Variants in EPHA7 observed in about 807,000 individuals in gnomAD.
EPHA7 encodes EPH receptor A7.
A neutral mutation model predicts 112.6 loss-of-function variants in EPHA7; 25 were observed. The observed-to-expected ratio is 0.22, with a 90% CI of 0.16 to 0.31. The LOEUF is 0.31. Among genes scored for constraint, EPHA7 ranks in the 10% least tolerant of loss-of-function variants. The pLI, the probability that EPHA7 is intolerant of heterozygous loss-of-function variation, is 1.00. For synonymous variants in EPHA7, 437 were observed against 406.5 expected, an observed-to-expected ratio of 1.07 and a Z score of -0.90; for missense variants, 962 against 1,212.6, an observed-to-expected ratio of 0.79 and a Z score of 3.07.
At chr6:93,247,380 C>T (rs1770000540) in intron 14 of EPHA7, among the ~76,000 whole-genome samples, 1 of 151,956 alleles carries the variant, frequency 6.6e-6, no homozygotes, top group South Asian at 2.1e-4. Context: ...TTTGAGTTAC[C>T]CAGAATGAGC....
Position 93,308,578 on chromosome 6 carries a change from T to G in EPHA7, c.1325-36156A>C, listed in dbSNP as rs181511936. ...AAACAACATCTTACTTACGTGTTTA[T>G]TTTCAAAGAAAAGATATATTTGAAA... is the stretch of plus-strand genomic sequence containing the variant. On this transcript the variant is annotated intron_variant, in intron 5 of 16. Transcript: ENST00000369303. Among the ~76,000 whole-genome samples the G allele has an allele frequency of 5.3e-5, 8 of 152,252 alleles. No homozygotes were observed. In the East Asian group the frequency reaches 1.5e-3, roughly 29 times the overall value.
intron 3 of EPHA7, among the ~76,000 whole-genome samples, chr6:93,380,745 G>A (rs145953771): frequency 6.0e-4 from 92 of 152,166 alleles, no homozygotes; most frequent in African/African-American, 2.1e-3. Context: ...GGGAATTTGA[G>A]GACAAATGTT....
chr6:93,354,857 A>G (rs886122696), intron 5 of EPHA7, among the ~76,000 whole-genome samples: 1 of 152,102 alleles, frequency 6.6e-6, no homozygotes, highest in Non-Finnish European at 1.5e-5. Flanking sequence ...GACAAACACT[A>G]TTTCTGGTAT....
In EPHA7 at chr6:93,289,433, C is replaced by T. The variant is rs371377161; in HGVS notation, c.1325-17011G>A. On this transcript the variant is annotated intron_variant, in intron 5 of 16. Transcript: ENST00000369303. The stretch of plus-strand genomic sequence containing the variant: ...TTAAAAGTATGTAGATCCTGGCTAA[C>T]ATGGTGAAATCCCGTCTCTACTAAA... 5.3e-5 allele frequency among the ~76,000 whole-genome samples: 8 copies of T among 151,774 alleles called. No individual in the cohort carries two copies. The East Asian group carries it at 9.7e-4, about 18-fold the overall frequency.
intron 1 of EPHA7, 75 bp from the exon 2 acceptor site, chr6:93,414,842 C>A: frequency 5.2e-6 from 6 of 1,162,302 alleles, no homozygotes; most frequent in Non-Finnish European, 7.6e-6. Context: ...TAAGGTGAAT[C>A]TTTTCATATA....
rs1778904964 is a variant in EPHA7 at position 93,410,074 on chromosome 6, A to C, written c.832+427T>G. ...GCCTGTCACTAGAGCTCTTATTCAC[A>C]GCCCTCTTAACCTCCTATTTACTGC... is the stretch of plus-strand genomic sequence containing the variant. On this transcript the variant is annotated intron_variant, in intron 3 of 16. Transcript: ENST00000369303. The surrounding 1 kb of genome is among the most constrained non-coding windows in gnomAD (Gnocchi z 4.0). 1 of 158,702 alleles carries C rather than the reference A, an allele frequency of 6.3e-6. No homozygotes were observed. Among genetic ancestry groups the C allele is most frequent in the African/African-American group, 2.4e-5 (1 of 41,538 alleles). 9.8% of individuals were successfully genotyped at this position (158,702 alleles called of 1,614,324 possible). A position where few individuals can be genotyped will look rare whatever the true frequency, so the allele number is the denominator to read the frequency against.
chr6:93,241,488 A>G lies in EPHA7; in HGVS notation c.*1938T>C, dbSNP rs1769686573. ...CAAATGGAAGTGTCTAGGTGACTGTATTATGCTAATTAAAATTATTTTTAC... is the reference window on the plus strand; with the variant it reads ...CAAATGGAAGTGTCTAGGTGACTGTGTTATGCTAATTAAAATTATTTTTAC... On this transcript the variant is annotated 3_prime_UTR_variant, in exon 17 of 17. Transcript: ENST00000369303. The G allele has an allele frequency of 4.7e-6, 1 of 214,966 alleles. No homozygotes were observed. Among genetic ancestry groups the G allele is most frequent in the African/African-American group, 2.3e-5 (1 of 44,356 alleles). 13.3% of individuals were successfully genotyped at this position (214,966 alleles called of 1,614,324 possible).
At chr6:93,268,915 T>C (rs1771076890) in intron 7 of EPHA7, among the ~76,000 whole-genome samples, 1 of 151,820 alleles carries the variant, frequency 6.6e-6, no homozygotes, top group African/African-American at 2.4e-5. Flanking sequence ...TTTAAATAGA[T>C]TCCTTAGTAT....
chr6:93,254,833 A>G, intron 13 of EPHA7, 37 bp from the exon 14 acceptor site: 1 of 1,542,786 alleles, frequency 6.5e-7, no homozygotes, highest in South Asian at 1.2e-5. Context: ...AAATATGTAT[A>G]ATAACTGATA....
intron 2 of EPHA7, among the ~76,000 whole-genome samples, chr6:93,412,375 CA>C (rs1465487200): frequency 6.6e-6 from 1 of 151,880 alleles, no homozygotes; most frequent in Admixed American, 6.6e-5. Flanking sequence ...ATGTTCTGTA[CA>C]ATATTAATGT....
rs1236731659 is a variant in EPHA7 at position 93,324,979 on chromosome 6, G to T, written c.1324+31738C>A. 2.0e-5 allele frequency among the ~76,000 whole-genome samples: 3 copies of T among 151,156 alleles called. No homozygotes were observed. In the South Asian group the frequency reaches 6.2e-4, roughly 31 times the overall value. On this transcript the variant is annotated intron_variant, in intron 5 of 16. Coordinates refer to ENST00000369303, the MANE Select transcript of EPHA7 (RefSeq NM_004440.4). ...TTTTGTACTTATTAATAACAATCCTGAAAAAAGGCATTTTTTTTCCAGTGA... is the reference window on the plus strand; with the variant it reads ...TTTTGTACTTATTAATAACAATCCTTAAAAAAGGCATTTTTTTTCCAGTGA...
chr6:93,275,540 T>C (rs1451617596), intron 5 of EPHA7, among the ~76,000 whole-genome samples: 1 of 151,870 alleles, frequency 6.6e-6, no homozygotes, highest in African/African-American at 2.4e-5. Flanking sequence ...AAATAAAATA[T>C]AAAACAGACT....
At position 93,419,486 on chromosome 6, in the gene EPHA7, G is replaced by A. The variant is rs1306371206; in HGVS notation, c.-145C>T. The A allele has an allele frequency of 2.5e-5, 16 of 628,232 alleles. No homozygotes were observed. In the Admixed American group the frequency reaches 5.2e-4, roughly 20 times the overall value. 38.9% of individuals were successfully genotyped at this position (628,232 alleles called of 1,614,324 possible). ...TCCCCGATCGGCTGCTCCACGTTTA[G>A]CTTTTTTTAATTTCCCCCCCACTCC... On this transcript the variant is annotated 5_prime_UTR_variant, in exon 1 of 17. Coordinates refer to ENST00000369303, the MANE Select transcript of EPHA7 (RefSeq NM_004440.4).
At chr6:93,356,692 C>A in intron 5 of EPHA7, 25 bp downstream of exon 5, 1 of 1,569,928 alleles carries the variant, frequency 6.4e-7, no homozygotes, top group Admixed American at 1.8e-5. Flanking sequence ...TTATTTCATT[C>A]AGTGAAGATA....
chr6:93,389,004 C>T (rs2127979056), intron 3 of EPHA7, among the ~76,000 whole-genome samples: 1 of 152,082 alleles, frequency 6.6e-6, no homozygotes, highest in Admixed American at 6.6e-5. Flanking sequence ...GCTACTGACA[C>T]TCTGTAAGAT....
intron 3 of EPHA7, among the ~76,000 whole-genome samples, chr6:93,375,333 AG>A (rs1777000508): frequency 6.6e-6 from 1 of 152,024 alleles, no homozygotes; most frequent in African/African-American, 2.4e-5. Flanking sequence ...AAACTCAGAG[AG>A]GCCAAGCATG....
intron 1 of EPHA7, among the ~76,000 whole-genome samples, chr6:93,417,519 G>A (rs1779300469): frequency 6.6e-6 from 1 of 152,216 alleles, no homozygotes; most frequent in Non-Finnish European, 1.5e-5. Context: ...CTTGCACCCA[G>A]AAGAGCAAAG....
chr6:93,343,549 C>A (rs1233423875), intron 5 of EPHA7, among the ~76,000 whole-genome samples: 1 of 151,724 alleles, frequency 6.6e-6, no homozygotes, highest in Non-Finnish European at 1.5e-5. Flanking sequence ...TGAAAACAGG[C>A]ATAGCAAACA....
chr6:93,255,766 C>T, intron 13 of EPHA7, 62 bp downstream of exon 13: 3 of 1,431,240 alleles, frequency 2.1e-6, no homozygotes, highest in Middle Eastern at 1.8e-4. Context: ...TTATTAGGTC[C>T]TGCTTTCGTG....
Sources: gnomAD v4.1 joint callset for allele counts (sites outside exome capture counted in the v4.1 genomes callset) on GRCh38, gnomAD v4.1.1 for gene constraint, Gnocchi (gnomAD v3.1) non-coding constraint, MANE v1.5 for transcripts, NCBI Gene and HGNC (gene_info 2026-07-23, HGNC 2026-07-21) for gene names.